ASAP1: variants seen among roughly 807,000 people sequenced by gnomAD.
The protein encoded by ASAP1 is ArfGAP with SH3 domain, ankyrin repeat and PH domain 1.
ASAP1 carries 43 observed loss-of-function variants against 145.2 expected under a neutral mutation model. That is an observed-to-expected ratio of 0.30 (90% CI 0.23 to 0.38). ASAP1 has a LOEUF of 0.38. Among genes scored for constraint, ASAP1 ranks in the 10% least tolerant of loss-of-function variants. ASAP1 has a pLI of 1.00. For synonymous variants in ASAP1, 546 were observed against 515.5 expected, an observed-to-expected ratio of 1.06 and a Z score of -0.80; for missense variants, 1,018 against 1,355.3, an observed-to-expected ratio of 0.75 and a Z score of 3.91.
intron 29 of ASAP1, 53 bp from the exon 30 acceptor site, chr8:130,054,858 C>A: frequency 6.8e-7 from 1 of 1,466,192 alleles, no homozygotes; most frequent in Non-Finnish European, 9.6e-7. Flanking sequence ...AGTGGCCCCA[C>A]GACAAACCCA....
intron 3 of ASAP1, among the ~76,000 whole-genome samples, chr8:130,272,541 C>T (rs1820649106): frequency 1.3e-5 from 2 of 152,152 alleles, no homozygotes; most frequent in South Asian, 2.1e-4. Flanking sequence ...AAAAGGGATG[C>T]CTGCACCCCC....
At chr8:130,151,244 G>A (rs1480921801) in intron 13 of ASAP1, among the ~76,000 whole-genome samples, 4 of 151,510 alleles carry the variant, frequency 2.6e-5, no homozygotes, top group East Asian at 1.9e-4. Flanking sequence ...GGTGGTGGGC[G>A]CCTGTAGTCC....
intron 2 of ASAP1, among the ~76,000 whole-genome samples, chr8:130,375,995 G>A (rs565118815): frequency 1.3e-5 from 2 of 152,312 alleles, no homozygotes; most frequent in South Asian, 4.1e-4. Flanking sequence ...TGCCTCTTCA[G>A]AGACATAAAT....
intron 2 of ASAP1, among the ~76,000 whole-genome samples, chr8:130,401,653 A>G (rs1828801056): frequency 6.6e-6 from 1 of 152,182 alleles, no homozygotes; most frequent in African/African-American, 2.4e-5. Flanking sequence ...ACCACCACCC[A>G]GACAACTTTC....
At chr8:130,216,615 C>CAG (rs1445254950) in intron 4 of ASAP1, among the ~76,000 whole-genome samples, 2 of 152,156 alleles carry the variant, frequency 1.3e-5, no homozygotes, top group Non-Finnish European at 2.9e-5. Flanking sequence ...TGAGGCCCCT[C>CAG]AGTCTTGGAC....
chr8:130,177,250 G>A (rs947209402), intron 9 of ASAP1, among the ~76,000 whole-genome samples: 3 of 152,200 alleles, frequency 2.0e-5, no homozygotes, highest in African/African-American at 4.8e-5. Flanking sequence ...CATTACTAGC[G>A]AAGGCTAATA....
At chr8:130,250,740 A>T in intron 3 of ASAP1, among the ~76,000 whole-genome samples, 1 of 151,840 alleles carries the variant, frequency 6.6e-6, no homozygotes, top group African/African-American at 2.4e-5. Context: ...ATTGCTTCTC[A>T]TAAAAAAAAC....
At chr8:130,128,867 T>C (rs1458518585) in intron 15 of ASAP1, among the ~76,000 whole-genome samples, 3 of 152,208 alleles carry the variant, frequency 2.0e-5, no homozygotes, top group African/African-American at 7.2e-5. Flanking sequence ...TAAATGCTCA[T>C]AATATAGTGT....
At chr8:130,326,822 A>G (rs1218257114) in intron 3 of ASAP1, among the ~76,000 whole-genome samples, 2 of 152,222 alleles carry the variant, frequency 1.3e-5, no homozygotes, top group South Asian at 2.1e-4. Flanking sequence ...CAGCCCTGAG[A>G]ACTGAAAATG....
intron 10 of ASAP1, among the ~76,000 whole-genome samples, chr8:130,168,187 T>C (rs923198739): frequency 1.3e-5 from 2 of 152,242 alleles, no homozygotes; most frequent in Non-Finnish European, 2.9e-5. Context: ...TATAAAACTT[T>C]ATTTGAGGAT....
chr8:130,402,466 A>C (rs756913491), intron 1 of ASAP1, among the ~76,000 whole-genome samples: 7 of 152,216 alleles, frequency 4.6e-5, no homozygotes, highest in Non-Finnish European at 7.3e-5. Context: ...TAATTAATTC[A>C]TGCATACCAA....
At chr8:130,314,610 T>G (rs182817540) in intron 3 of ASAP1, among the ~76,000 whole-genome samples, 26 of 152,352 alleles carry the variant, frequency 1.7e-4, no homozygotes, top group African/African-American at 5.5e-4. Flanking sequence ...TACCAATGCC[T>G]GGGCAGGCTT....
intron 3 of ASAP1, among the ~76,000 whole-genome samples, chr8:130,344,970 T>C (rs1261851718): frequency 6.6e-6 from 1 of 152,208 alleles, no homozygotes; most frequent in Admixed American, 6.5e-5. Context: ...ACAAAACATC[T>C]CCAGCATAGG....
intron 2 of ASAP1, among the ~76,000 whole-genome samples, chr8:130,368,668 CCTT>C: frequency 6.6e-6 from 1 of 152,344 alleles, no homozygotes; most frequent in South Asian, 2.1e-4. Flanking sequence ...GAGGAATATG[CCTT>C]TTCTCTCTAA....
At chr8:130,117,844 C>T (rs2097558890) in intron 20 of ASAP1, among the ~76,000 whole-genome samples, 1 of 152,168 alleles carries the variant, frequency 6.6e-6, no homozygotes, top group Admixed American at 6.5e-5. Context: ...TTTATAAAGG[C>T]CAAGAGATGG....
At chr8:130,319,320 A>C (rs1172668322) in intron 3 of ASAP1, among the ~76,000 whole-genome samples, 1 of 152,252 alleles carries the variant, frequency 6.6e-6, no homozygotes, top group Non-Finnish European at 1.5e-5. Flanking sequence ...TAAAATAAAA[A>C]AAGGAATAAA....
At chr8:130,354,963 G>T (rs1826217880) in intron 3 of ASAP1, among the ~76,000 whole-genome samples, 2 of 152,190 alleles carry the variant, frequency 1.3e-5, no homozygotes. Context: ...TTGGCTCATT[G>T]TAACCTCGGC....
At position 130,146,677 on chromosome 8, in the gene ASAP1, G is replaced by A. The variant is rs1046694314; in HGVS notation, c.1080+6059C>T. 2.0e-5 allele frequency among the ~76,000 whole-genome samples: 3 copies of A among 152,144 alleles called. 1 individual carries two copies. Among genetic ancestry groups the A allele is most frequent in the Admixed American group, 6.6e-5 (1 of 15,266 alleles). On this transcript the variant is annotated intron_variant, in intron 13 of 29. Coordinates refer to ENST00000518721, the MANE Select transcript of ASAP1 (RefSeq NM_018482.4). Reference sequence around the variant, plus strand: ...CCTGTTTCCTGTATGTGCTTTCAGTGCTTCTTTTAAAGCCCTGGAAGCTGA... The same window carrying A: ...CCTGTTTCCTGTATGTGCTTTCAGTACTTCTTTTAAAGCCCTGGAAGCTGA...
At chr8:130,064,714 A>AG (rs1432237191) in intron 27 of ASAP1, among the ~76,000 whole-genome samples, 2 of 152,132 alleles carry the variant, frequency 1.3e-5, no homozygotes, top group Non-Finnish European at 2.9e-5. Context: ...CCACAGCTTG[A>AG]GGCTCAGTCC....
Sources: allele counts gnomAD v4.1 joint callset (sites outside exome capture counted in the v4.1 genomes callset), GRCh38; gene constraint gnomAD v4.1.1; transcripts MANE v1.5; gene names NCBI Gene and HGNC (gene_info 2026-07-23, HGNC 2026-07-21).